Variants in CACNB2 observed in about 807,000 individuals in gnomAD.
CACNB2 encodes the protein calcium voltage-gated channel auxiliary subunit beta 2.
Under a neutral mutation model 73.3 loss-of-function variants are expected in CACNB2, and 42 were observed. The ratio of observed to expected loss-of-function variants is 0.57; its 90% CI spans 0.45 to 0.74. CACNB2 has a LOEUF of 0.74. CACNB2 is among the 30% of genes least tolerant of loss of function. The pLI is 0.00. For synonymous variants in CACNB2, 348 were observed against 310.3 expected (o/e 1.12, Z -1.28); for missense variants, 940 against 853.0 (o/e 1.10, Z -1.27).
rs111456695 is a variant in CACNB2, at chr10:18,178,208, T to G, written c.213+27233T>G. Among the ~76,000 whole-genome samples the G allele has an allele frequency of 4.8e-3, 731 of 152,300 alleles. 8 individuals are homozygous for G. The highest frequency in any genetic ancestry group is 0.017 in the African/African-American group (692 of 41,568). On this transcript the variant is annotated intron_variant, in intron 2 of 13. Transcript: ENST00000324631. ...TCATTATCTCCTTAAGTCATAAGCC[T>G]GTAGGGATTGGGGACTTTACCGTTG...
chr10:18,429,715 A>AG (rs538119559), intron 3 of CACNB2, among the ~76,000 whole-genome samples: 36 of 146,954 alleles, frequency 2.4e-4, no homozygotes, highest in African/African-American at 8.6e-4. Flanking sequence ...GTACACCTGT[A>AG]TCCCAGGTAC....
At chr10:18,398,805 A>C (rs1348227015) in intron 2 of CACNB2, among the ~76,000 whole-genome samples, 2 of 152,044 alleles carry the variant, frequency 1.3e-5, no homozygotes, top group East Asian at 3.9e-4. Context: ...TACTCTAAAG[A>C]TCAATTGGTA....
At chr10:18,475,256 G>T (rs1437697528) in intron 3 of CACNB2, among the ~76,000 whole-genome samples, 1 of 151,808 alleles carries the variant, frequency 6.6e-6, no homozygotes, top group African/African-American at 2.4e-5. Flanking sequence ...AGGCACCATT[G>T]ACTAAATCAC....
At chr10:18,405,091 G>A (rs1345265051) in intron 3 of CACNB2, among the ~76,000 whole-genome samples, 2 of 152,074 alleles carry the variant, frequency 1.3e-5, no homozygotes, top group African/African-American at 2.4e-5. Context: ...TTATTCCCAC[G>A]TTGATCTTCT....
At chr10:18,381,183 AG>A (rs1194507569) in intron 2 of CACNB2, among the ~76,000 whole-genome samples, 2 of 151,098 alleles carry the variant, frequency 1.3e-5, no homozygotes, top group East Asian at 1.9e-4. Context: ...CAGTAATCAC[AG>A]GTCACAAGCC....
At chr10:18,260,852 G>A in intron 2 of CACNB2, 1 of 1,070,654 alleles carries the variant, frequency 9.3e-7, no homozygotes, top group Non-Finnish European at 1.1e-6. Flanking sequence ...GCAGGGTCGC[G>A]AAATGCAAGA....
chr10:18,488,474 CAAAAAAAAAAAA>C (rs59931967), intron 3 of CACNB2, among the ~76,000 whole-genome samples: 2 of 67,966 alleles, frequency 2.9e-5, no homozygotes, highest in Non-Finnish European at 5.1e-5. Context: ...GACTCCATCT[CAAAAAAAAAAAA>C]AAAAAAAAAA....
chr10:18,157,286 A>G (rs2131070701), intron 2 of CACNB2, among the ~76,000 whole-genome samples: 1 of 152,354 alleles, frequency 6.6e-6, no homozygotes, highest in African/African-American at 2.4e-5. Context: ...CTTGGAAGCC[A>G]GGCTACATGA....
intron 2 of CACNB2, among the ~76,000 whole-genome samples, chr10:18,312,319 T>G (rs549673648): frequency 6.6e-6 from 1 of 152,202 alleles, no homozygotes; most frequent in African/African-American, 2.4e-5. Flanking sequence ...ACTAAAAATA[T>G]GTAAAATGTG....
intron 2 of CACNB2, among the ~76,000 whole-genome samples, chr10:18,236,679 T>A (rs2036458397): frequency 6.6e-6 from 1 of 152,132 alleles, no homozygotes; most frequent in African/African-American, 2.4e-5. Flanking sequence ...AAAAAAGTAG[T>A]TCCCCCAAAA....
intron 2 of CACNB2, among the ~76,000 whole-genome samples, chr10:18,384,769 A>G (rs1485886396): frequency 6.6e-6 from 1 of 151,654 alleles, no homozygotes; most frequent in Non-Finnish European, 1.5e-5. Flanking sequence ...AAAACCCACA[A>G]AACCAAAAAT....
intron 2 of CACNB2, among the ~76,000 whole-genome samples, chr10:18,194,653 A>T (rs2034550907): frequency 6.6e-6 from 1 of 152,208 alleles, no homozygotes; most frequent in African/African-American, 2.4e-5. Flanking sequence ...TGGGGGAGAT[A>T]TATTTTGTTT....
At chr10:18,411,774 C>T (rs548834514) in intron 3 of CACNB2, among the ~76,000 whole-genome samples, 1 of 152,296 alleles carries the variant, frequency 6.6e-6, no homozygotes, top group South Asian at 2.1e-4. Context: ...TCCCAAAGTG[C>T]TGGAATTACA....
At chr10:18,441,468 C>G (rs900834004) in intron 3 of CACNB2, among the ~76,000 whole-genome samples, 1 of 152,150 alleles carries the variant, frequency 6.6e-6, no homozygotes, top group Admixed American at 6.6e-5. Context: ...TGTTTTTCAT[C>G]AACTTTTGCT....
intron 2 of CACNB2, among the ~76,000 whole-genome samples, chr10:18,247,536 A>G (rs2036915390): frequency 6.6e-6 from 1 of 152,074 alleles, no homozygotes. Context: ...CCAAATGATT[A>G]TATTCTTTCC....
At chr10:18,444,484 A>G (rs747311310) in intron 3 of CACNB2, among the ~76,000 whole-genome samples, 7 of 152,218 alleles carry the variant, frequency 4.6e-5, no homozygotes, top group Non-Finnish European at 1.0e-4. Flanking sequence ...ACAGATGATA[A>G]TTCATTTAAT....
intron 2 of CACNB2, among the ~76,000 whole-genome samples, chr10:18,248,071 A>G (rs1158583516): frequency 6.6e-6 from 1 of 152,190 alleles, no homozygotes. Flanking sequence ...TTAGGTTGCA[A>G]CATATGAATT....
Position 18,541,209 on chromosome 10 carries a change from T to A in CACNB2, c.*1485T>A, listed in dbSNP as rs907812638. 1 of 152,718 alleles carries A rather than the reference T, an allele frequency of 6.5e-6. No individual in the cohort carries two copies. The highest frequency in any genetic ancestry group is 2.4e-5 in the African/African-American group (1 of 41,444). 9.5% of individuals were successfully genotyped at this position (152,718 alleles called of 1,614,324 possible). ...CCGACTCCAGCAGGTTCACTGTCTG[T>A]CAGAACCCAGAAGTGCTTCTTATAA... On this transcript the variant is annotated 3_prime_UTR_variant, in exon 14 of 14. Transcript: ENST00000324631.
chr10:18,371,601 A>G (rs2042586223), intron 2 of CACNB2, among the ~76,000 whole-genome samples: 1 of 152,182 alleles, frequency 6.6e-6, no homozygotes, highest in Non-Finnish European at 1.5e-5. Context: ...CCAGTCTATC[A>G]TTGTTGGACA....
Sources: allele counts gnomAD v4.1 joint callset (sites outside exome capture counted in the v4.1 genomes callset), GRCh38; gene constraint gnomAD v4.1.1; transcripts MANE v1.5; gene names NCBI Gene and HGNC (gene_info 2026-07-23, HGNC 2026-07-21).